The following ACSBG2 variants were observed in gnomAD, a reference collection of about 807,000 sequenced individuals.
The protein encoded by ACSBG2 is acyl-CoA synthetase bubblegum family member 2.
A neutral mutation model predicts 74.7 loss-of-function variants in ACSBG2; 62 were observed. The ratio of observed to expected loss-of-function variants is 0.83; its 90% CI spans 0.68 to 1.03. The LOEUF (loss-of-function observed/expected upper bound fraction) is 1.03, where lower values mean the gene tolerates loss of function less well. Ranked by LOEUF, ACSBG2 falls within the 50% of genes least tolerant of loss-of-function variation. The probability of loss-of-function intolerance (pLI) is 0.00; values close to 1 mark genes in which losing one functional copy is unlikely to be tolerated. For missense variants in ACSBG2, 730 were observed against 817.6 expected (o/e 0.89, Z 1.31); for synonymous variants, 309 against 294.1 (o/e 1.05, Z -0.52).
chr19:6,176,198 G>A (rs182446058), intron 7 of ACSBG2: 33 of 907,880 alleles, frequency 3.6e-5, no homozygotes, highest in African/African-American at 2.1e-4. Context: ...AAAATCTGTC[G>A]AATGATTAAC....
At chr19:6,166,908 GGATTACAGGCGT>G (rs576381371) in intron 7 of ACSBG2, among the ~76,000 whole-genome samples, 2 of 152,120 alleles carry the variant, frequency 1.3e-5, no homozygotes, top group Admixed American at 1.3e-4. Context: ...CAAAGTGTTG[GGATTACAGGCGT>G]GAGCCACAGC....
chr19:6,177,184 C>A, intron 7 of ACSBG2, 45 bp from the exon 8 acceptor site: 2 of 1,593,596 alleles, frequency 1.3e-6, no homozygotes, highest in Non-Finnish European at 1.7e-6. Context: ...ATAAAATGGC[C>A]CTTCTATGAG....
chr19:6,176,580 C>A (rs528183885), intron 7 of ACSBG2: 1 of 250,658 alleles, frequency 4.0e-6, no homozygotes, highest in African/African-American at 2.3e-5. Context: ...CACTCACATA[C>A]TTTAGGCTTA....
At chr19:6,160,415 AAAG>A (rs974280495) in intron 5 of ACSBG2, 3 of 152,156 alleles carry the variant, frequency 2.0e-5, no homozygotes, top group African/African-American at 4.8e-5. Context: ...GAAAGAAAGA[AAAG>A]AAAAAAGAAT....
In ACSBG2 at chr19:6,147,919, T is replaced by G. The variant is rs117001073; in HGVS notation, c.297+244T>G. On this transcript the variant is annotated intron_variant, in intron 3 of 14. Coordinates refer to ENST00000588485, the MANE Select transcript of ACSBG2 (RefSeq NM_030924.5). Reference sequence around the variant, plus strand: ...GCATAAATATAAAATGAAATTTTTATATATGCAAATTTTTTACACACATAA... The same window carrying G: ...GCATAAATATAAAATGAAATTTTTAGATATGCAAATTTTTTACACACATAA... Among the ~76,000 whole-genome samples, 1,233 of 152,138 alleles carry G rather than the reference T, an allele frequency of 8.1e-3. 21 individuals carry two copies. The highest frequency in any genetic ancestry group is 0.048 in the East Asian group (251 of 5,190).
rs930822883 is a variant in ACSBG2 at position 6,161,398 on chromosome 19, T to A, written c.588+103T>A. 3 of 1,074,616 alleles carry A rather than the reference T, an allele frequency of 2.8e-6. No individual in the cohort carries two copies. The Admixed American group carries it at 6.2e-5, about 22-fold the overall frequency. The allele number at this position is 1,074,616 out of a possible 1,614,324, so 66.6% of individuals were successfully genotyped here. ...GTGAGCAGAGGGAGGAGGTCGGACC[T>A]GGCAAGGGTGGGAACTCTCAAAGGA... is the stretch of plus-strand genomic sequence containing the variant. On this transcript the variant is annotated intron_variant, in intron 6 of 14. Transcript: ENST00000588485.
At position 6,165,860 on chromosome 19, in the gene ACSBG2, C is replaced by G. The variant is rs376671927; in HGVS notation, c.589-6C>G. The G allele has an allele frequency of 1.2e-6, 2 of 1,613,816 alleles. No homozygotes were observed. Among genetic ancestry groups the G allele is most frequent in the African/African-American group, 1.3e-5 (1 of 74,910 alleles). On this transcript the variant is annotated splice_polypyrimidine_tract_variant and splice_region_variant and intron_variant, in intron 6 of 14. Coordinates refer to ENST00000588485, the MANE Select transcript of ACSBG2 (RefSeq NM_030924.5). ...CTCATCCTCCGCTTGTCTTTTCTGT[C>G]CACAGTGGGATGATTTCATGGAACT...
At chr19:6,144,214 T>C (rs906577848) in intron 2 of ACSBG2, among the ~76,000 whole-genome samples, 2 of 152,176 alleles carry the variant, frequency 1.3e-5, no homozygotes, top group African/African-American at 4.8e-5. Context: ...GCGAGGATGG[T>C]CTCGAACTTC....
intron 8 of ACSBG2, among the ~76,000 whole-genome samples, chr19:6,178,912 T>A (rs2090164382): frequency 6.6e-6 from 1 of 152,176 alleles, no homozygotes; most frequent in Non-Finnish European, 1.5e-5. Context: ...CATAGGAAGC[T>A]CTGAGGCATG....
chr19:6,181,331 AAAG>A (rs1206249103), intron 8 of ACSBG2, among the ~76,000 whole-genome samples: 2 of 150,494 alleles, frequency 1.3e-5, no homozygotes, highest in South Asian at 2.1e-4. Context: ...AGGGAGGAAA[AAAG>A]AGGAAGGAAG....
At chr19:6,139,478 T>C (rs1568213116) in intron 1 of ACSBG2, among the ~76,000 whole-genome samples, 3 of 152,226 alleles carry the variant, frequency 2.0e-5, no homozygotes, top group African/African-American at 7.2e-5. Flanking sequence ...ATCACGTGCA[T>C]GTTACAGGGC....
chr19:6,139,962 G>A (rs1366281405), intron 1 of ACSBG2, among the ~76,000 whole-genome samples: 4 of 151,728 alleles, frequency 2.6e-5, no homozygotes, highest in East Asian at 3.9e-4. Context: ...GGTGGCTCAC[G>A]CCTGTCATCC....
chr19:6,172,160 A>G (rs1030133086), intron 7 of ACSBG2, among the ~76,000 whole-genome samples: 1 of 152,024 alleles, frequency 6.6e-6, no homozygotes. Flanking sequence ...CTTCCAATTC[A>G]TATTTTGAAT....
At chr19:6,179,903 G>A (rs867125531) in intron 8 of ACSBG2, among the ~76,000 whole-genome samples, 8 of 152,088 alleles carry the variant, frequency 5.3e-5, no homozygotes, top group Admixed American at 6.5e-5. Flanking sequence ...ATAAGCAAGC[G>A]CGCCTGGTCC....
chr19:6,190,553 A>G lies in ACSBG2; in HGVS notation c.1928-31A>G, dbSNP rs769323260. 4.4e-6 allele frequency: 7 copies of G among 1,598,214 alleles called. No individual in the cohort carries two copies. In the East Asian group the frequency reaches 1.3e-4, roughly 31 times the overall value. On this transcript the variant is annotated intron_variant, in intron 13 of 14. Coordinates refer to ENST00000588485, the MANE Select transcript of ACSBG2 (RefSeq NM_030924.5). Reference sequence around the variant, plus strand: ...GTGTGTGTAATTTTCTTTTATCTCCACAACTCAATTGATTTCTCCTTTCTC... The same window carrying G: ...GTGTGTGTAATTTTCTTTTATCTCCGCAACTCAATTGATTTCTCCTTTCTC...
chr19:6,186,367 C>A (rs994693310), intron 11 of ACSBG2, among the ~76,000 whole-genome samples: 6 of 151,774 alleles, frequency 4.0e-5, no homozygotes, highest in African/African-American at 1.5e-4. Flanking sequence ...TTTTATGTGT[C>A]AAAAAAAATT....
intron 8 of ACSBG2, among the ~76,000 whole-genome samples, chr19:6,179,933 T>C (rs1251511595): frequency 6.6e-6 from 1 of 152,158 alleles, no homozygotes; most frequent in East Asian, 1.9e-4. Context: ...CTTATAGTTC[T>C]GGTGGTCAGA....
chr19:6,191,863 A>T (rs768763965), intron 14 of ACSBG2: 2 of 152,118 alleles, frequency 1.3e-5, no homozygotes, highest in Non-Finnish European at 2.9e-5. Context: ...AGTTCAACGT[A>T]CCACATTCAT....
At chr19:6,137,587 A>C (rs919229724) in intron 1 of ACSBG2, among the ~76,000 whole-genome samples, 2 of 152,042 alleles carry the variant, frequency 1.3e-5, no homozygotes, top group African/African-American at 2.4e-5. Flanking sequence ...GAGGAGAGAC[A>C]GGGTTGGGCC....
Sources: gnomAD v4.1 joint callset for allele counts (sites outside exome capture counted in the v4.1 genomes callset) on GRCh38, gnomAD v4.1.1 for gene constraint, MANE v1.5 for transcripts, NCBI Gene and HGNC (gene_info 2026-07-23, HGNC 2026-07-21) for gene names.